Variants in CSMD1 observed in about 807,000 individuals in gnomAD.
CSMD1 encodes CUB and sushi domain-containing protein 1.
In CSMD1, 213 loss-of-function variants were observed where a neutral mutation model predicts 417.5. That is an observed-to-expected ratio of 0.51 (90% CI 0.46 to 0.57). The LOEUF (loss-of-function observed/expected upper bound fraction) is 0.57, where lower values mean the gene tolerates loss of function less well. Among genes scored for constraint, CSMD1 ranks in the 20% least tolerant of loss-of-function variants. The probability of loss-of-function intolerance (pLI) is 0.00; values close to 1 mark genes in which losing one functional copy is unlikely to be tolerated. For synonymous variants in CSMD1, 2,862 were observed against 1,736.8 expected (o/e 1.65, Z -16.11); for missense variants, 6,923 against 4,529.7 (o/e 1.53, Z -15.17).
chr8:3,693,194 TC>T (rs1244251887), intron 7 of CSMD1, among the ~76,000 whole-genome samples: 8 of 152,172 alleles, frequency 5.3e-5, no homozygotes, highest in African/African-American at 1.9e-4. Flanking sequence ...AGTCAATGAA[TC>T]AATACTGTTC....
chr8:4,486,208 T>TG (rs1801395575), intron 2 of CSMD1, among the ~76,000 whole-genome samples: 3 of 10,760 alleles, frequency 2.8e-4, no homozygotes, highest in African/African-American at 1.1e-3. Context: ...TACATACATA[T>TG]ATATATATAT....
chr8:3,134,289 G>A (rs933367853), intron 41 of CSMD1, among the ~76,000 whole-genome samples: 3 of 152,248 alleles, frequency 2.0e-5, no homozygotes, highest in Non-Finnish European at 4.4e-5. Flanking sequence ...AGGCCGTGAT[G>A]TTAGGCAGTT....
intron 8 of CSMD1, among the ~76,000 whole-genome samples, chr8:3,596,812 A>G (rs1487081495): frequency 6.6e-6 from 1 of 152,170 alleles, no homozygotes; most frequent in Non-Finnish European, 1.5e-5. Context: ...ATACATGCAT[A>G]CCAGTAATCA....
At chr8:2,992,159 G>C (rs922989848) in intron 54 of CSMD1, among the ~76,000 whole-genome samples, 1 of 151,806 alleles carries the variant, frequency 6.6e-6, no homozygotes, top group African/African-American at 2.4e-5. Context: ...GCACACACAT[G>C]AACAGACATG....
intron 2 of CSMD1, among the ~76,000 whole-genome samples, chr8:4,456,779 CCTACGAGGT>C (rs1799513939): frequency 6.6e-6 from 1 of 152,032 alleles, no homozygotes; most frequent in Admixed American, 6.6e-5. Flanking sequence ...CATCTGACAA[CCTACGAGGT>C]AAGCTGAAGA....
At chr8:3,877,218 C>A (rs1018109595) in intron 5 of CSMD1, among the ~76,000 whole-genome samples, 2 of 152,116 alleles carry the variant, frequency 1.3e-5, no homozygotes, top group South Asian at 2.1e-4. Flanking sequence ...CTCAGCACCC[C>A]ACACTGCTTG....
intron 1 of CSMD1, among the ~76,000 whole-genome samples, chr8:4,862,616 T>G (rs1006861461): frequency 6.6e-6 from 1 of 151,832 alleles, no homozygotes; most frequent in Non-Finnish European, 1.5e-5. Context: ...TGGAATACGG[T>G]TTTAGAGAAA....
intron 21 of CSMD1, among the ~76,000 whole-genome samples, chr8:3,358,006 G>C (rs1808906244): frequency 1.3e-5 from 2 of 152,120 alleles, no homozygotes; most frequent in African/African-American, 2.4e-5. Flanking sequence ...TTTATCATTT[G>C]AGTTACATAA....
At chr8:3,934,469 T>C (rs377607025) in intron 5 of CSMD1, among the ~76,000 whole-genome samples, 14 of 152,166 alleles carry the variant, frequency 9.2e-5, no homozygotes, top group African/African-American at 3.4e-4. Flanking sequence ...AATGAATGTC[T>C]TTTTTTCTGA....
intron 1 of CSMD1, among the ~76,000 whole-genome samples, chr8:4,780,532 T>A (rs1563365908): frequency 1.3e-5 from 2 of 152,186 alleles, no homozygotes; most frequent in South Asian, 2.1e-4. Flanking sequence ...TGCCTTGATG[T>A]TTTGTGCCCA....
intron 3 of CSMD1, among the ~76,000 whole-genome samples, chr8:4,108,128 G>A (rs1278298165): frequency 1.3e-5 from 2 of 151,608 alleles, no homozygotes; most frequent in South Asian, 4.2e-4. Flanking sequence ...GAGGAGGAGG[G>A]TAGGGAAGGG....
chr8:3,923,545 C>G (rs1317759262), intron 5 of CSMD1, among the ~76,000 whole-genome samples: 1 of 152,124 alleles, frequency 6.6e-6, no homozygotes, highest in Non-Finnish European at 1.5e-5. Flanking sequence ...CCACACAGAA[C>G]AGGATACACT....
At chr8:4,987,861 G>A (rs1363351210) in intron 1 of CSMD1, among the ~76,000 whole-genome samples, 3 of 152,120 alleles carry the variant, frequency 2.0e-5, no homozygotes, top group Non-Finnish European at 4.4e-5. Flanking sequence ...TCGAAAATCG[G>A]ACTCTAAGGT....
intron 10 of CSMD1, among the ~76,000 whole-genome samples, chr8:3,518,574 G>A (rs895880877): frequency 6.6e-6 from 1 of 152,172 alleles, no homozygotes. Flanking sequence ...AAGTAAATTA[G>A]AATGCAACAA....
intron 12 of CSMD1, among the ~76,000 whole-genome samples, chr8:3,413,603 G>A (rs1223371302): frequency 1.3e-5 from 2 of 152,156 alleles, no homozygotes; most frequent in African/African-American, 2.4e-5. Flanking sequence ...TTATGCCAGC[G>A]ATGTTTCATT....
intron 6 of CSMD1, among the ~76,000 whole-genome samples, chr8:3,733,168 TACACACACACACACAC>T (rs75223191): frequency 3.6e-5 from 5 of 140,450 alleles, no homozygotes; most frequent in Non-Finnish European, 7.6e-5. Flanking sequence ...AGGCCATAAA[TACACACACACACACAC>T]ACACACACAC....
chr8:3,309,361 C>G (rs1319266267), intron 23 of CSMD1, among the ~76,000 whole-genome samples: 1 of 152,008 alleles, frequency 6.6e-6, no homozygotes, highest in Admixed American at 6.6e-5. Context: ...CTGCCGACCA[C>G]ACTCCTGATG....
At chr8:3,061,437 G>A (rs377068960) in intron 49 of CSMD1, among the ~76,000 whole-genome samples, 5 of 152,094 alleles carry the variant, frequency 3.3e-5, no homozygotes, top group East Asian at 1.9e-4. Flanking sequence ...CAGAATGTTC[G>A]GGACATTTAC....
intron 23 of CSMD1, among the ~76,000 whole-genome samples, chr8:3,316,534 G>A (rs867974173): frequency 1.3e-4 from 13 of 100,112 alleles, no homozygotes; most frequent in South Asian, 7.5e-4. Context: ...TGAGCCTTGC[G>A]GGAGAGGGTT....
Sources: gnomAD v4.1 joint callset for allele counts (sites outside exome capture counted in the v4.1 genomes callset) on GRCh38, gnomAD v4.1.1 for gene constraint, MANE v1.5 for transcripts, NCBI Gene and HGNC (gene_info 2026-07-23, HGNC 2026-07-21) for gene names.